UBE3D: variants seen among roughly 807,000 people sequenced by gnomAD.
The protein encoded by UBE3D is E3 ubiquitin-protein ligase E3D.
In UBE3D, 48 loss-of-function variants were observed where a neutral mutation model predicts 49.6. That is an observed-to-expected ratio of 0.97 (90% CI 0.77 to 1.23). The LOEUF is 1.23. Among genes scored for constraint, UBE3D ranks in the 50% most tolerant of loss-of-function variants. The pLI is 0.00. For synonymous variants in UBE3D, 189 were observed against 174.2 expected (o/e 1.08, Z -0.67); for missense variants, 452 against 468.4 (o/e 0.96, Z 0.32).
intron 8 of UBE3D, among the ~76,000 whole-genome samples, chr6:82,968,279 T>G (rs1777092964): frequency 2.0e-5 from 3 of 151,938 alleles, no homozygotes; most frequent in Admixed American, 1.3e-4. Flanking sequence ...TTGTACTGCA[T>G]TCTCCCCCTT....
At chr6:82,913,465 CTT>C (rs1285992793) in intron 9 of UBE3D, among the ~76,000 whole-genome samples, 10 of 152,210 alleles carry the variant, frequency 6.6e-5, no homozygotes, top group South Asian at 2.1e-4. Context: ...CCTCTTCTCT[CTT>C]GAGTTGTGCT....
At chr6:83,019,181 T>A in intron 7 of UBE3D, 45 bp from the exon 8 acceptor site, 1 of 1,549,846 alleles carries the variant, frequency 6.5e-7, no homozygotes. Context: ...TATTGTCACC[T>A]TATCCATATC....
intron 5 of UBE3D, among the ~76,000 whole-genome samples, chr6:83,032,870 A>G (rs1044673193): frequency 2.0e-5 from 3 of 152,202 alleles, no homozygotes; most frequent in Admixed American, 1.3e-4. Flanking sequence ...CTAATGCCAT[A>G]TAAGAAGTGT....
intron 8 of UBE3D, among the ~76,000 whole-genome samples, chr6:83,014,343 G>C (rs915566555): frequency 6.6e-6 from 1 of 152,212 alleles, no homozygotes; most frequent in African/African-American, 2.4e-5. Context: ...TTTCTAGGTA[G>C]AGTCAGCTCT....
At chr6:82,952,640 A>G (rs1775884218) in intron 9 of UBE3D, among the ~76,000 whole-genome samples, 1 of 151,988 alleles carries the variant, frequency 6.6e-6, no homozygotes, top group African/African-American at 2.4e-5. Context: ...CCCAGGGTGG[A>G]CCTGAACTCC....
At chr6:82,927,952 T>C (rs1773880990) in intron 9 of UBE3D, among the ~76,000 whole-genome samples, 1 of 152,052 alleles carries the variant, frequency 6.6e-6, no homozygotes. Flanking sequence ...CTACTCTGTA[T>C]GATACTATGT....
intron 8 of UBE3D, among the ~76,000 whole-genome samples, chr6:82,999,443 G>GA: frequency 6.6e-6 from 1 of 152,106 alleles, no homozygotes; most frequent in Non-Finnish European, 1.5e-5. Flanking sequence ...GGAGTGCAGT[G>GA]GCGCGATCTA....
Position 82,892,486 on chromosome 6 carries a change from C to A in UBE3D, c.*536G>T. ...TGCAGATTTGCATAAATAGGAAATC[C>A]TTTAATTTGATAATCATTCATTCAA... On this transcript the variant is annotated 3_prime_UTR_variant, in exon 10 of 10. Transcript: ENST00000369747. The A allele has an allele frequency of 6.4e-6, 1 of 156,546 alleles. No homozygotes were observed. 9.7% of individuals were successfully genotyped at this position (156,546 alleles called of 1,614,324 possible). A position where few individuals can be genotyped will look rare whatever the true frequency, so the allele number is the denominator to read the frequency against.
At chr6:82,941,967 G>T (rs550632743) in intron 9 of UBE3D, among the ~76,000 whole-genome samples, 2 of 152,176 alleles carry the variant, frequency 1.3e-5, no homozygotes, top group Non-Finnish European at 2.9e-5. Flanking sequence ...CCAGTAGAGT[G>T]GGGTGCTGCT....
Position 83,018,976 on chromosome 6 carries a change from T to G in UBE3D, c.1007A>C (p.Glu336Ala). ...LYQPCIKSRN[E>A]KLVSLWESDI... ...AGAAAACAAATGCACAACTTACTTTTCATTCCTGCTTTTGATGCATGGCTG... is the reference window on the plus strand; with the variant it reads ...AGAAAACAAATGCACAACTTACTTTGCATTCCTGCTTTTGATGCATGGCTG... Residue 336 changes from glutamate to alanine, a missense_variant, in exon 8 of 10, where the codon GAA (glutamate) becomes GCA (alanine). Glu to Ala is a moderately radical substitution (Grantham distance 107). Coordinates refer to ENST00000369747, the MANE Select transcript of UBE3D (RefSeq NM_198920.3). The G allele has an allele frequency of 2.5e-6, 4 of 1,612,532 alleles. No individual in the cohort carries two copies. In the South Asian group the frequency reaches 4.4e-5, roughly 18 times the overall value.
At chr6:82,999,525 T>C (rs963448146) in intron 8 of UBE3D, among the ~76,000 whole-genome samples, 3 of 152,054 alleles carry the variant, frequency 2.0e-5, no homozygotes, top group Non-Finnish European at 4.4e-5. Flanking sequence ...GCTGGGACTA[T>C]AGGTGCACAC....
At chr6:82,971,824 T>C (rs1582508724) in intron 8 of UBE3D, among the ~76,000 whole-genome samples, 1 of 152,188 alleles carries the variant, frequency 6.6e-6, no homozygotes, top group Admixed American at 6.5e-5. Context: ...TTTATTAATA[T>C]TGATATTACT....
At chr6:82,900,721 C>T (rs1480574391) in intron 9 of UBE3D, among the ~76,000 whole-genome samples, 1 of 152,144 alleles carries the variant, frequency 6.6e-6, no homozygotes, top group Non-Finnish European at 1.5e-5. Flanking sequence ...TAACGAGTGG[C>T]CCTGAGGCCA....
chr6:82,941,039 C>A (rs1774971522), intron 9 of UBE3D, among the ~76,000 whole-genome samples: 1 of 151,948 alleles, frequency 6.6e-6, no homozygotes, highest in Non-Finnish European at 1.5e-5. Flanking sequence ...ACGGTGAAAC[C>A]CCATCTCTAT....
intron 9 of UBE3D, among the ~76,000 whole-genome samples, chr6:82,901,221 T>A (rs1771708403): frequency 6.6e-6 from 1 of 152,082 alleles, no homozygotes; most frequent in Non-Finnish European, 1.5e-5. Context: ...TTCTAGGATA[T>A]CTTTAATTGC....
At position 83,037,617 on chromosome 6, in the gene UBE3D, T is replaced by C. The variant is rs373913982; in HGVS notation, c.667+799A>G. On this transcript the variant is annotated intron_variant, in intron 5 of 9. Transcript: ENST00000369747. ...AACAAATAAACAAAAAATACCATCA[T>C]CTGCCTTCCCTTAAGTACAATTGCT... The C allele has an allele frequency of 5.3e-5, 8 of 152,294 alleles. No individual in the cohort carries two copies. In the East Asian group the frequency reaches 1.5e-3, roughly 29 times the overall value. The allele number at this position is 152,294 out of a possible 1,614,324, so 9.4% of individuals were successfully genotyped here. A position where few individuals can be genotyped will look rare whatever the true frequency, so the allele number is the denominator to read the frequency against.
At chr6:82,890,061 A>C (rs549799152), downstream of UBE3D, among the ~76,000 whole-genome samples, 40 of 152,204 alleles carry the variant, frequency 2.6e-4, 1 homozygote, top group South Asian at 6.2e-3. Context: ...TCCTTATCTA[A>C]GAATACTACT....
intron 2 of UBE3D, among the ~76,000 whole-genome samples, chr6:83,054,716 A>G (rs912711082): frequency 1.3e-5 from 2 of 152,076 alleles, no homozygotes; most frequent in African/African-American, 4.8e-5. Context: ...CAGTGGCGCA[A>G]CCTGGGCTCA....
At position 83,019,089 on chromosome 6, in the gene UBE3D, A is replaced by C. The variant is rs1179506963; in HGVS notation, c.894T>G (p.Asn298Lys). The C allele has an allele frequency of 6.2e-7, 1 of 1,613,728 alleles. No individual in the cohort carries two copies. Among genetic ancestry groups the C allele is most frequent in the Admixed American group, 1.7e-5 (1 of 59,954 alleles). ...SDSLVIESLR[N>K]SKYIKKFPLL... is the part of the protein sequence containing the mutation. ...AGGGGAATTTTTTGATATATTTGGA[A>C]TTTCTCAAAGATTCAATCACCAAAC... Residue 298 changes from asparagine (N) to lysine (K), a missense_variant, in exon 8 of 10, where the codon AAT (asparagine) becomes AAG (lysine). By Grantham distance (94) the Asn-to-Lys change is moderately conservative. Transcript: ENST00000369747.
Sources: gnomAD v4.1 joint callset for allele counts (sites outside exome capture counted in the v4.1 genomes callset) on GRCh38, gnomAD v4.1.1 for gene constraint, MANE v1.5 for transcripts, NCBI Gene and HGNC (gene_info 2026-07-23, HGNC 2026-07-21) for gene names.